Variants in ZNF544 observed in about 807,000 individuals in gnomAD.
ZNF544 encodes the protein zinc finger protein AF020591.
In ZNF544, 10 loss-of-function variants were observed where a neutral mutation model predicts 13.5. The ratio of observed to expected loss-of-function variants is 0.74; its 90% CI spans 0.46 to 1.25. The LOEUF is 1.25. Ranked by LOEUF, ZNF544 falls within the 50% of genes most tolerant of loss-of-function variation. ZNF544 has a pLI of 0.00. For synonymous variants in ZNF544, 323 were observed against 300.5 expected (o/e 1.07, Z -0.77); for missense variants, 896 against 845.6 (o/e 1.06, Z -0.74).
At chr19:58,276,766 C>T (rs1258705033) in intron 6 of ZNF544, among the ~76,000 whole-genome samples, 1 of 152,238 alleles carries the variant, frequency 6.6e-6, no homozygotes, top group African/African-American at 2.4e-5. Context: ...AGCCACCACA[C>T]CCAGCCAAAA....
intron 4 of ZNF544, 25 bp downstream of exon 4, chr19:58,244,081 G>T: frequency 1.3e-6 from 2 of 1,597,432 alleles, no homozygotes; most frequent in Non-Finnish European, 1.7e-6. Flanking sequence ...TTTGCTCTCA[G>T]TGCCTTGGTC....
intron 6 of ZNF544, chr19:58,260,608 C>T (rs1228102850): frequency 4.9e-6 from 2 of 409,230 alleles, no homozygotes; most frequent in East Asian, 4.2e-5. Context: ...TTCTTCTGCC[C>T]TCTATTTGGG....
At chr19:58,274,668 C>T (rs139137562) in intron 5 of ZNF544, among the ~76,000 whole-genome samples, 1 of 152,240 alleles carries the variant, frequency 6.6e-6, no homozygotes, top group African/African-American at 2.4e-5. Flanking sequence ...AAAGCACCTA[C>T]TTTACGAAAA....
At chr19:58,269,672 G>A (rs1240156794) in intron 5 of ZNF544, among the ~76,000 whole-genome samples, 1 of 150,842 alleles carries the variant, frequency 6.6e-6, no homozygotes, top group African/African-American at 2.4e-5. Context: ...TGTAATCCCA[G>A]CACTTTGGGA....
intron 4 of ZNF544, chr19:58,245,958 G>A: frequency 5.6e-6 from 2 of 356,274 alleles, no homozygotes; most frequent in Non-Finnish European, 1.1e-5. Flanking sequence ...ACCTTAGAGT[G>A]AGCAATTTAC....
At chr19:58,246,471 C>A in intron 5 of ZNF544, 44 bp downstream of exon 5, 1 of 1,608,482 alleles carries the variant, frequency 6.2e-7, no homozygotes, top group South Asian at 1.1e-5. Flanking sequence ...CCCTAGGACT[C>A]AAAGCTGTAC....
chr19:58,272,933 C>T (rs1307180556), intron 5 of ZNF544, among the ~76,000 whole-genome samples: 7 of 151,770 alleles, frequency 4.6e-5, no homozygotes, highest in Non-Finnish European at 1.0e-4. Context: ...CCTGTAATCC[C>T]AGCACTTTGG....
chr19:58,244,090 T>C, intron 4 of ZNF544, 34 bp downstream of exon 4: 7 of 1,583,968 alleles, frequency 4.4e-6, no homozygotes, highest in Non-Finnish European at 6.0e-6. Context: ...AGTGCCTTGG[T>C]CTCCATAGAT....
At chr19:58,263,942 A>G (rs993555421), downstream of ZNF544, 2 of 152,148 alleles carry the variant, frequency 1.3e-5, no homozygotes, top group African/African-American at 4.8e-5. Flanking sequence ...AAAATACAAA[A>G]AAATTAGCTA....
chr19:58,229,448 C>G lies in ZNF544; in HGVS notation c.-231-20C>G, dbSNP rs1231345794. 6.6e-6 allele frequency: 1 copy of G among 152,266 alleles called. No individual in the cohort carries two copies. Among genetic ancestry groups the G allele is most frequent in the Non-Finnish European group, 1.5e-5 (1 of 68,098 alleles). The allele number at this position is 152,266 out of a possible 1,614,324, so 9.4% of individuals were successfully genotyped here. A position where few individuals can be genotyped will look rare whatever the true frequency, so the allele number is the denominator to read the frequency against. On this transcript the variant is annotated intron_variant, in intron 1 of 6. Transcript: ENST00000687789. Reference sequence around the variant, plus strand: ...GCTCCTTTTTCCTCCCTCAACTCATCTTCTGCGGCTTATCCACAGGTGGCA... The same window carrying G: ...GCTCCTTTTTCCTCCCTCAACTCATGTTCTGCGGCTTATCCACAGGTGGCA...
At position 58,276,349 on chromosome 19, in the gene ZNF544, T is replaced by C. The variant is rs1157358594; in HGVS notation, c.271T>C (p.Leu91=). 18 of 1,231,592 alleles carry C rather than the reference T, an allele frequency of 1.5e-5. No homozygotes were observed. In the East Asian group the frequency reaches 5.0e-4, roughly 35 times the overall value. 76.3% of individuals were successfully genotyped at this position (1,231,592 alleles called of 1,614,324 possible). A position where few individuals can be genotyped will look rare whatever the true frequency, so the allele number is the denominator to read the frequency against. The change falls in exon 6 of 7, where the codon TTG becomes CTG. Residue 91 remains leucine, a synonymous_variant. Transcript: ENST00000595981. ...GAAGGGGATGCTGCCTGGGAGCTTT[T>C]TGGGACTCCCAATAGAAGACAGATT...
In ZNF544 at chr19:58,262,128, G is replaced by A. The variant is rs768920049; in HGVS notation, c.1522G>A (p.Val508Ile). The A allele has an allele frequency of 1.4e-5, 23 of 1,611,900 alleles. No individual in the cohort carries two copies. In the African/African-American group the frequency reaches 3.1e-4, roughly 22 times the overall value. ...ATCTTTCAGCCAGAAGTATGACCTT[G>A]TTGTACATCAGAGGACACACACTGG... ...GKSFSQKYDL[V>I]VHQRTHTGEK... Residue 508 changes from valine (V) to isoleucine (I), a missense_variant, in exon 7 of 7, where the codon GTT (valine) becomes ATT (isoleucine). Coordinates refer to ENST00000687789, the MANE Select transcript of ZNF544 (RefSeq NM_014480.4).
intron 5 of ZNF544, among the ~76,000 whole-genome samples, chr19:58,275,192 C>G (rs57072108): frequency 1.3e-5 from 2 of 151,962 alleles, no homozygotes; most frequent in Non-Finnish European, 2.9e-5. Context: ...AGCCAGGAGC[C>G]CCCCCACACT....
intron 6 of ZNF544, among the ~76,000 whole-genome samples, chr19:58,253,969 C>T (rs1183919452): frequency 1.3e-5 from 2 of 152,152 alleles, no homozygotes; most frequent in Admixed American, 1.3e-4. Flanking sequence ...CGGCTGGGTG[C>T]GGTGGCTCAC....
At chr19:58,269,350 G>A (rs2050320796) in intron 5 of ZNF544, among the ~76,000 whole-genome samples, 1 of 151,860 alleles carries the variant, frequency 6.6e-6, no homozygotes, top group Admixed American at 6.6e-5. Flanking sequence ...CAGGAGAATC[G>A]CTTGAACTCG....
At chr19:58,266,092 G>C (rs1417285806), downstream of ZNF544, among the ~76,000 whole-genome samples, 8 of 151,768 alleles carry the variant, frequency 5.3e-5, no homozygotes, top group Admixed American at 4.6e-4. Flanking sequence ...TGTAATCCCA[G>C]CTACTCGGGA....
chr19:58,244,367 C>A (rs1205502907), intron 4 of ZNF544, among the ~76,000 whole-genome samples: 3 of 151,866 alleles, frequency 2.0e-5, no homozygotes, highest in African/African-American at 7.3e-5. Flanking sequence ...TAGCCCCACA[C>A]CCCGACAGCC....
At chr19:58,264,864 C>T (rs928725692), downstream of ZNF544, among the ~76,000 whole-genome samples, 5 of 151,862 alleles carry the variant, frequency 3.3e-5, no homozygotes, top group Non-Finnish European at 7.4e-5. Flanking sequence ...ATTAGCTGGG[C>T]ATGGAGCTGC....
At chr19:58,256,654 T>A (rs145632455) in intron 6 of ZNF544, among the ~76,000 whole-genome samples, 48 of 152,336 alleles carry the variant, frequency 3.2e-4, no homozygotes, top group African/African-American at 1.2e-3. Context: ...TCTGTTGTTA[T>A]CTCTTTGAGA....
Sources: allele counts gnomAD v4.1 joint callset (sites outside exome capture counted in the v4.1 genomes callset), GRCh38; gene constraint gnomAD v4.1.1; transcripts MANE v1.5; gene names NCBI Gene and HGNC (gene_info 2026-07-23, HGNC 2026-07-21).